The following ANP32A variants were observed in gnomAD, a reference collection of about 807,000 sequenced individuals.
ANP32A encodes the protein acidic nuclear phosphoprotein 32 family member A, also known as acidic leucine-rich nuclear phosphoprotein 32 family member A.
Under a neutral mutation model 33.9 loss-of-function variants are expected in ANP32A, and 1 was observed. The observed-to-expected ratio is 0.03, with a 90% confidence interval of 0.01 to 0.14. The LOEUF is 0.14. Ranked by LOEUF, ANP32A falls within the 10% of genes least tolerant of loss-of-function variation. The pLI, the probability that ANP32A is intolerant of heterozygous loss-of-function variation, is 1.00. For missense variants in ANP32A, 155 were observed against 306.0 expected (o/e 0.51, Z 3.68); for synonymous variants, 115 against 120.5 (o/e 0.95, Z 0.30).
intron 1 of ANP32A, among the ~76,000 whole-genome samples, chr15:68,804,508 T>C (rs932353626): frequency 2.0e-5 from 3 of 152,246 alleles, no homozygotes; most frequent in African/African-American, 7.2e-5. Context: ...AAGATATTAC[T>C]TTTTCTATTT....
At chr15:68,815,959 C>T (rs1894374639) in intron 1 of ANP32A, among the ~76,000 whole-genome samples, 1 of 152,200 alleles carries the variant, frequency 6.6e-6, no homozygotes, top group Admixed American at 6.5e-5. Context: ...CAGATGCAGA[C>T]TGCCTGAGCA....
Position 68,779,899 on chromosome 15 carries a change from A to AC in ANP32A, c.*181dup, listed in dbSNP as rs1360501918. The AC allele has an allele frequency of 4.3e-5, 24 of 551,910 alleles. No homozygotes were observed. Among genetic ancestry groups the AC allele is most frequent in the East Asian group, 5.9e-5 (2 of 34,126 alleles). 34.2% of individuals were successfully genotyped at this position (551,910 alleles called of 1,614,324 possible). On this transcript the variant is annotated 3_prime_UTR_variant, in exon 7 of 7. Transcript: ENST00000465139. The stretch of plus-strand genomic sequence containing the variant: ...GGCAGTAAAAATAGTATTTTATTCC[A>AC]CCCCCACCCGCCATCCCTCCCCCCG...
intron 1 of ANP32A, among the ~76,000 whole-genome samples, chr15:68,793,540 TGTG>T (rs1894025041): frequency 6.6e-6 from 1 of 151,892 alleles, no homozygotes; most frequent in African/African-American, 2.4e-5. Context: ...CAGCAAGAGG[TGTG>T]GTGGCCGGCT....
intron 1 of ANP32A, among the ~76,000 whole-genome samples, chr15:68,804,942 T>C (rs1017057678): frequency 4.6e-5 from 7 of 152,232 alleles, no homozygotes; most frequent in African/African-American, 1.2e-4. Context: ...TCCTTTCAAA[T>C]TGATGTAGGA....
At chr15:68,817,732 G>C (rs933353951) in intron 1 of ANP32A, 1 of 152,060 alleles carries the variant, frequency 6.6e-6, no homozygotes, top group African/African-American at 2.4e-5. Flanking sequence ...CGCCGCGGCC[G>C]CCGTGACTCT....
chr15:68,817,485 T>C (rs1485929202), intron 1 of ANP32A: 5 of 152,458 alleles, frequency 3.3e-5, no homozygotes, highest in Non-Finnish European at 7.3e-5. Context: ...TCAGGGCCAC[T>C]AGAGTCGCGT....
rs138986635 is a variant in ANP32A, at chr15:68,802,670, G to C, written c.55-14751C>G. ...GTCCTATTATCTTATTTATTTATTT[G>C]AGACGGAATTTTGTTCTTCTCGCCC... On this transcript the variant is annotated intron_variant, in intron 1 of 6. Coordinates refer to ENST00000465139, the MANE Select transcript of ANP32A (RefSeq NM_006305.4). Among the ~76,000 whole-genome samples, 18 of 152,258 alleles carry C rather than the reference G, an allele frequency of 1.2e-4. 1 individual carries two copies. In the East Asian group the frequency reaches 3.1e-3, roughly 26 times the overall value.
At chr15:68,798,492 A>G (rs1894090688) in intron 1 of ANP32A, among the ~76,000 whole-genome samples, 1 of 152,148 alleles carries the variant, frequency 6.6e-6, no homozygotes, top group Non-Finnish European at 1.5e-5. Context: ...TATCTAATCC[A>G]ACTTCCCTAG....
At chr15:68,814,443 G>C (rs1164695785) in intron 1 of ANP32A, among the ~76,000 whole-genome samples, 1 of 151,696 alleles carries the variant, frequency 6.6e-6, no homozygotes, top group Non-Finnish European at 1.5e-5. Flanking sequence ...GTCTCATACT[G>C]CTATGGGGAA....
chr15:68,816,051 A>C (rs1220366433), intron 1 of ANP32A, among the ~76,000 whole-genome samples: 1 of 152,196 alleles, frequency 6.6e-6, no homozygotes, highest in African/African-American at 2.4e-5. Flanking sequence ...ACCCACTGTG[A>C]TGTGCTAAAG....
chr15:68,812,778 A>C (rs1894330323), intron 1 of ANP32A, among the ~76,000 whole-genome samples: 1 of 152,224 alleles, frequency 6.6e-6, no homozygotes, highest in African/African-American at 2.4e-5. Flanking sequence ...TCGGTTTTTC[A>C]CAAAACACAG....
At chr15:68,795,797 T>A (rs1277092476) in intron 1 of ANP32A, among the ~76,000 whole-genome samples, 1 of 152,122 alleles carries the variant, frequency 6.6e-6, no homozygotes, top group Non-Finnish European at 1.5e-5. Context: ...TAAACCTCCT[T>A]CCTACCTTCC....
chr15:68,806,474 T>C (rs963477578), intron 1 of ANP32A, among the ~76,000 whole-genome samples: 2 of 152,132 alleles, frequency 1.3e-5, no homozygotes, highest in Non-Finnish European at 2.9e-5. Context: ...CCGCTCCCAC[T>C]ACTCCCACCC....
chr15:68,811,026 C>A (rs551032695), intron 1 of ANP32A, among the ~76,000 whole-genome samples: 1 of 142,436 alleles, frequency 7.0e-6, no homozygotes, highest in African/African-American at 2.6e-5. Flanking sequence ...AGCCACTGCG[C>A]ACTCCAACAT....
In ANP32A at chr15:68,780,209, G is replaced by GT; in HGVS notation, c.689-68dup. 1 of 1,597,962 alleles carries GT rather than the reference G, an allele frequency of 6.3e-7. No individual in the cohort carries two copies. The highest frequency in any genetic ancestry group is 8.5e-7 in the Non-Finnish European group (1 of 1,169,704). ...CCACCTCTTTAACTCAACCCACCCA[G>GT]TGAGAAGTCAGGGGACCCATGACTA... On this transcript the variant is annotated intron_variant, in intron 6 of 6. Coordinates refer to ENST00000465139, the MANE Select transcript of ANP32A (RefSeq NM_006305.4). This position sits in a 1 kb window ranked among gnomAD's most constrained non-coding sequence, Gnocchi z 4.3.
intron 1 of ANP32A, chr15:68,818,251 C>T (rs1172441857): frequency 3.6e-6 from 1 of 275,846 alleles, no homozygotes. Context: ...AACATGGCTG[C>T]TCGTCCTATT....
chr15:68,780,476 A>T lies in ANP32A; in HGVS notation c.625-3T>A. The T allele has an allele frequency of 6.2e-7, 1 of 1,613,936 alleles. No homozygotes were observed. The highest frequency in any genetic ancestry group is 1.1e-5 in the South Asian group (1 of 91,084). Reference sequence around the variant, plus strand: ...TCGTTATAACCTTCTTCATCCTCCTAGGAGAAAGGACAGACACCAGAACAT... The same window carrying T: ...TCGTTATAACCTTCTTCATCCTCCTTGGAGAAAGGACAGACACCAGAACAT... On this transcript the variant is annotated splice_region_variant and splice_polypyrimidine_tract_variant and intron_variant, in intron 5 of 6. Coordinates refer to ENST00000465139, the MANE Select transcript of ANP32A (RefSeq NM_006305.4). This position sits in a 1 kb window ranked among gnomAD's most constrained non-coding sequence, Gnocchi z 4.3.
chr15:68,796,163 C>G (rs1381382008), intron 1 of ANP32A, among the ~76,000 whole-genome samples: 1 of 152,188 alleles, frequency 6.6e-6, no homozygotes, highest in Non-Finnish European at 1.5e-5. Flanking sequence ...CTCACTGCAA[C>G]CTCTGCCACC....
At chr15:68,812,822 TG>T (rs1894330966) in intron 1 of ANP32A, 1 of 152,110 alleles carries the variant, frequency 6.6e-6, no homozygotes, top group African/African-American at 2.4e-5. Flanking sequence ...TGGAGTAAAA[TG>T]TATTTCTCAC....
Sources: gnomAD v4.1 joint callset for allele counts (sites outside exome capture counted in the v4.1 genomes callset) on GRCh38, gnomAD v4.1.1 for gene constraint, Gnocchi (gnomAD v3.1) non-coding constraint, MANE v1.5 for transcripts, NCBI Gene and HGNC (gene_info 2026-07-23, HGNC 2026-07-21) for gene names.